Variants in GALNTL5 observed in about 807,000 individuals in gnomAD.
The protein encoded by GALNTL5 is polypeptide N-acetylgalactosaminyltransferase like 5, also known as inactive polypeptide N-acetylgalactosaminyltransferase-like protein 5.
GALNTL5 carries 44 observed loss-of-function variants against 51.0 expected under a neutral mutation model. That is an observed-to-expected ratio of 0.86 (90% confidence interval 0.68 to 1.11). GALNTL5 has a LOEUF of 1.11. GALNTL5 is among the 50% of genes least tolerant of loss of function. The pLI is 0.00. For synonymous variants in GALNTL5, 192 were observed against 182.8 expected (o/e 1.05, Z -0.41); for missense variants, 528 against 531.8 (o/e 0.99, Z 0.07).
At chr7:151,958,174 G>A (rs894856915) in intron 1 of GALNTL5, among the ~76,000 whole-genome samples, 47 of 152,140 alleles carry the variant, frequency 3.1e-4, no homozygotes, top group African/African-American at 9.7e-4. Context: ...GGCAGCACCC[G>A]TCCTTGGGCC....
chr7:151,970,861 GT>G (rs1330730423), intron 2 of GALNTL5, 83 bp from the exon 3 acceptor site: 2 of 1,130,818 alleles, frequency 1.8e-6, no homozygotes, highest in African/African-American at 1.6e-5. Flanking sequence ...TTAAAAAATT[GT>G]TTTGGTTATT....
chr7:152,006,654 C>G (rs951045811), intron 6 of GALNTL5, among the ~76,000 whole-genome samples: 1 of 152,306 alleles, frequency 6.6e-6, no homozygotes, highest in Admixed American at 6.5e-5. Flanking sequence ...GCTTCCCTAC[C>G]CTTTCCCCTA....
At chr7:151,966,452 A>G (rs2081061370) in intron 1 of GALNTL5, among the ~76,000 whole-genome samples, 2 of 151,974 alleles carry the variant, frequency 1.3e-5, no homozygotes, top group South Asian at 4.2e-4. Context: ...TATTTTTAGT[A>G]GAGACAGGAT....
In GALNTL5 at chr7:151,983,045, A is replaced by G. The variant is rs35629905; in HGVS notation, c.428A>G (p.Tyr143Cys). 1.1e-3 allele frequency: 1,829 copies of G among 1,614,188 alleles called. 19 individuals are homozygous for G. The African/African-American group carries it at 0.018, about 16-fold the overall frequency. ...ACTGCCAGCATTGTCATTTGCTTCT[A>G]TAATGAAGAATGTAATGCCTTGTTT... ...LPTASIVICF[Y>C]NEECNALFQT... Residue 143 changes from tyrosine (Y) to cysteine (C), a missense_variant, in exon 4 of 9, where the codon TAT becomes TGT. Physicochemically the swap from Tyr to Cys is radical, Grantham distance 194 (BLOSUM62 -2). Coordinates refer to ENST00000392800, the MANE Select transcript of GALNTL5 (RefSeq NM_145292.4).
At chr7:151,962,404 T>C (rs1205659441) in intron 1 of GALNTL5, among the ~76,000 whole-genome samples, 1 of 142,340 alleles carries the variant, frequency 7.0e-6, no homozygotes, top group Non-Finnish European at 1.6e-5. Context: ...CTAGTTTATT[T>C]TTCCTTAAAA....
intron 8 of GALNTL5, among the ~76,000 whole-genome samples, chr7:152,015,949 CAGTGT>C (rs1331534765): frequency 6.6e-6 from 1 of 152,160 alleles, no homozygotes; most frequent in Admixed American, 6.5e-5. Flanking sequence ...ATCTCTCTGA[CAGTGT>C]ATGTCCTGGT....
rs761732434 is a variant in GALNTL5, at chr7:152,002,812, T to A, written c.757T>A (p.Cys253Ser). 6.2e-7 allele frequency: 1 copy of A among 1,614,160 alleles called. No homozygotes were observed. The highest frequency in any genetic ancestry group is 8.5e-7 in the Non-Finnish European group (1 of 1,180,018). ...TGCCAAGGACCCCAAAATGGTGGTG[T>A]GCCCCCTGATAGATGTCATTGATGA... ...AIAKDPKMVV[C>S]PLIDVIDDRT... Residue 253 changes from cysteine (C) to serine (S), a missense_variant, in exon 6 of 9, where the codon TGC becomes AGC. Coordinates refer to ENST00000392800, the MANE Select transcript of GALNTL5 (RefSeq NM_145292.4).
chr7:152,006,481 A>G (rs932448751), intron 6 of GALNTL5, among the ~76,000 whole-genome samples: 1 of 152,220 alleles, frequency 6.6e-6, no homozygotes, highest in African/African-American at 2.4e-5. Flanking sequence ...GCACTCGGCA[A>G]TGTGTGTCAC....
chr7:151,973,742 C>T (rs975250564), intron 3 of GALNTL5, among the ~76,000 whole-genome samples: 11 of 151,954 alleles, frequency 7.2e-5, no homozygotes, highest in Admixed American at 6.6e-5. Context: ...GTTGGGAAGG[C>T]GTGATTGGTT....
intron 4 of GALNTL5, among the ~76,000 whole-genome samples, 154 bp downstream of exon 4, chr7:151,983,306 C>T (rs1586825444): frequency 1.3e-5 from 2 of 151,976 alleles, no homozygotes; most frequent in African/African-American, 4.8e-5. Context: ...GCCTCCCGTG[C>T]AGCTGGGATT....
At chr7:151,998,263 A>T (rs1024582221) in intron 5 of GALNTL5, among the ~76,000 whole-genome samples, 1 of 152,174 alleles carries the variant, frequency 6.6e-6, no homozygotes, top group Non-Finnish European at 1.5e-5. Flanking sequence ...ATATAAAAAC[A>T]TAGATTAATA....
chr7:152,017,556 T>C (rs1178728335), intron 8 of GALNTL5, among the ~76,000 whole-genome samples: 1 of 152,160 alleles, frequency 6.6e-6, no homozygotes, highest in Non-Finnish European at 1.5e-5. Flanking sequence ...ATTAAACCTA[T>C]AATTTGTGCA....
At chr7:151,991,284 G>A (rs1336200119) in intron 5 of GALNTL5, among the ~76,000 whole-genome samples, 3 of 152,048 alleles carry the variant, frequency 2.0e-5, no homozygotes, top group Admixed American at 1.3e-4. Flanking sequence ...GTAGAGACGG[G>A]GTTTCGCCAT....
chr7:151,985,502 G>A (rs2081350209), intron 4 of GALNTL5, among the ~76,000 whole-genome samples: 1 of 152,112 alleles, frequency 6.6e-6, no homozygotes, highest in Admixed American at 6.5e-5. Flanking sequence ...ACAAAACCCT[G>A]TCTGTCCCAG....
rs1003202815 is a variant in GALNTL5, at chr7:152,010,153, G to T, written c.1026+2209G>T. ...TTTTGAGACGGAGTCTTGCTCTGTC[G>T]CCAGGCTGGAGTGCAGTGGCACGAT... On this transcript the variant is annotated intron_variant, in intron 7 of 8. Transcript: ENST00000392800. Among the ~76,000 whole-genome samples, 3 of 151,078 alleles carry T rather than the reference G, an allele frequency of 2.0e-5. No individual in the cohort carries two copies. In the South Asian group the frequency reaches 6.3e-4, roughly 32 times the overall value.
intron 5 of GALNTL5, among the ~76,000 whole-genome samples, chr7:151,987,655 C>G (rs1333199975): frequency 1.3e-5 from 2 of 151,858 alleles, no homozygotes; most frequent in Non-Finnish European, 2.9e-5. Context: ...CGCTCATCCA[C>G]GGGGACCTCT....
chr7:151,970,177 C>A (rs1006123432), intron 2 of GALNTL5, among the ~76,000 whole-genome samples: 1 of 149,842 alleles, frequency 6.7e-6, no homozygotes, highest in African/African-American at 2.5e-5. Context: ...AGACGCCTGG[C>A]CGCTGGGTGA....
In GALNTL5 at chr7:152,019,669, T is replaced by G. The variant is rs1388317136; in HGVS notation, c.1200T>G (p.Pro400=). Residue 400 remains proline (P), a synonymous_variant, in exon 9 of 9, where the codon CCT becomes CCG. Coordinates refer to ENST00000392800, the MANE Select transcript of GALNTL5 (RefSeq NM_145292.4). Reference sequence around the variant, plus strand: ...AGGAGCAGTTTTTTCTTCGAAAGCCTGGTCTGAAATATGTCACCTACGGAA... The same window carrying G: ...AGGAGCAGTTTTTTCTTCGAAAGCCGGGTCTGAAATATGTCACCTACGGAA... ...EYKEQFFLRK[P]GLKYVTYGNI... is the part of the protein sequence containing the mutation. 1 of 1,611,480 alleles carries G rather than the reference T, an allele frequency of 6.2e-7. No individual in the cohort carries two copies. The highest frequency in any genetic ancestry group is 8.5e-7 in the Non-Finnish European group (1 of 1,178,780).
chr7:152,014,592 C>G, intron 7 of GALNTL5, 52 bp from the exon 8 acceptor site: 1 of 1,532,820 alleles, frequency 6.5e-7, no homozygotes, highest in Non-Finnish European at 8.8e-7. Context: ...AAAGCAGTTG[C>G]CTGTTAGCAG....
Sources: allele counts gnomAD v4.1 joint callset (sites outside exome capture counted in the v4.1 genomes callset), GRCh38; gene constraint gnomAD v4.1.1; transcripts MANE v1.5; gene names NCBI Gene and HGNC (gene_info 2026-07-23, HGNC 2026-07-21).